The following RNF212B variants were observed in gnomAD, a reference collection of about 807,000 sequenced individuals.
RNF212B encodes the protein ring finger protein 212B.
Under a neutral mutation model 55.5 loss-of-function variants are expected in RNF212B, and 52 were observed. That is an observed-to-expected ratio of 0.94 (90% confidence interval 0.75 to 1.18). RNF212B has a LOEUF of 1.18. RNF212B is among the 50% of genes most tolerant of loss of function. The pLI is 0.00. For missense variants in RNF212B, 289 were observed against 350.4 expected (o/e 0.82, Z 1.40); for synonymous variants, 99 against 121.4 (o/e 0.82, Z 1.21).
At chr14:23,267,891 GT>G (rs1211458077) in intron 11 of RNF212B, among the ~76,000 whole-genome samples, 5 of 152,076 alleles carry the variant, frequency 3.3e-5, no homozygotes, top group Non-Finnish European at 5.9e-5. Context: ...AGTTGGACTT[GT>G]TTTTTCTTTC....
rs1030993499 is a variant in RNF212B, at chr14:23,210,820, G to A, written c.-2+17419G>A. ...AGAAATGTAGGATGATAACATTAGG[G>A]AAAACTGAAACTGGGTGAAGGATAT... On this transcript the variant is annotated intron_variant, in intron 2 of 15. Transcript: ENST00000399910. Among the ~76,000 whole-genome samples the A allele has an allele frequency of 2.8e-4, 40 of 142,742 alleles. 1 individual carries two copies. Among genetic ancestry groups the A allele is most frequent in the African/African-American group, 9.1e-4 (35 of 38,408 alleles). The allele number at this position is 142,742 out of a possible 152,430, so 93.6% of individuals were successfully genotyped here. A position where few individuals can be genotyped will look rare whatever the true frequency, so the allele number is the denominator to read the frequency against.
intron 1 of RNF212B, among the ~76,000 whole-genome samples, chr14:23,191,190 C>T (rs1244142424): frequency 6.6e-6 from 1 of 152,188 alleles, no homozygotes; most frequent in East Asian, 1.9e-4. Flanking sequence ...TCCATCCCTA[C>T]TAAAAATACA....
At chr14:23,237,792 C>T (rs1211547408), upstream of RNF212B, among the ~76,000 whole-genome samples, 10 of 152,218 alleles carry the variant, frequency 6.6e-5, no homozygotes, top group Non-Finnish European at 1.3e-4. Flanking sequence ...CACCCCTCTC[C>T]CGCCACCGCG....
In RNF212B at chr14:23,255,786, T is replaced by G. The variant is rs183695112; in HGVS notation, c.229-2763T>G. On this transcript the variant is annotated intron_variant, in intron 4 of 14. Transcript: ENST00000430154. ...AAAACGAAAGAGACCAACCTCTTCA[T>G]GAGGCTGAGGGATTTGAAAGATTGC... Among the ~76,000 whole-genome samples the G allele has an allele frequency of 2.6e-5, 4 of 152,330 alleles. No homozygotes were observed. The East Asian group carries it at 7.7e-4, about 29-fold the overall frequency.
At chr14:23,233,413 A>T, upstream of RNF212B, among the ~76,000 whole-genome samples, 1 of 151,444 alleles carries the variant, frequency 6.6e-6, no homozygotes, top group Middle Eastern at 3.4e-3. Context: ...TTAAAAAAAA[A>T]AAAAAGAATA....
rs1885553577 is a variant in RNF212B at position 23,264,751 on chromosome 14, T to C, written c.634+80T>C. 3.8e-6 allele frequency: 3 copies of C among 795,420 alleles called. No homozygotes were observed. The Admixed American group carries it at 1.3e-4, about 34-fold the overall frequency. The allele number at this position is 795,420 out of a possible 1,614,324, so 49.3% of individuals were successfully genotyped here. A position where few individuals can be genotyped will look rare whatever the true frequency, so the allele number is the denominator to read the frequency against. ...CGGATTTCTGGTTTTCTATGCATAA[T>C]ATAATGCCATTTCACTTGTTTTTTT... On this transcript the variant is annotated intron_variant, in intron 11 of 14. Coordinates refer to ENST00000430154, the MANE Select transcript of RNF212B (RefSeq NM_001282322.3).
chr14:23,241,910 A>G (rs12880128), intron 2 of RNF212B, among the ~76,000 whole-genome samples: 63,071 of 149,572 alleles, frequency 0.42, 13,425 homozygotes, highest in Non-Finnish European at 0.45. Flanking sequence ...GTGAAACCCC[A>G]TCTCTACTAA....
chr14:23,244,524 C>T (rs987673594), intron 4 of RNF212B, 128 bp downstream of exon 4: 25 of 568,004 alleles, frequency 4.4e-5, no homozygotes, highest in South Asian at 4.4e-4. Flanking sequence ...GCTTTCTTTG[C>T]TTTCTTCCTT....
At chr14:23,232,597 G>A (rs1882755408) in intron 2 of RNF212B, among the ~76,000 whole-genome samples, 1 of 151,424 alleles carries the variant, frequency 6.6e-6, no homozygotes, top group African/African-American at 2.4e-5. Context: ...GAGGGAGTTG[G>A]GGGGTCAGCC....
chr14:23,262,988 C>T lies in RNF212B; in HGVS notation c.524+18C>T, dbSNP rs1304010559. 5 of 1,548,252 alleles carry T rather than the reference C, an allele frequency of 3.2e-6. No individual in the cohort carries two copies. Among genetic ancestry groups the T allele is most frequent in the Non-Finnish European group, 4.4e-6 (5 of 1,145,040 alleles). ...GTGGTCAGGTAAACCTACACAGCAA[C>T]ATTAAAACTGTTGGCAAAAGTTGGA... On this transcript the variant is annotated intron_variant, in intron 9 of 14. Coordinates refer to ENST00000430154, the MANE Select transcript of RNF212B (RefSeq NM_001282322.3).
Position 23,229,261 on chromosome 14 carries a change from T to TATATAC in RNF212B, c.-1-11083_-1-11082insTATACA, listed in dbSNP as rs558232357. 8.3e-3 allele frequency among the ~76,000 whole-genome samples: 1,057 copies of TATATAC among 126,986 alleles called. 21 individuals carry two copies. Among genetic ancestry groups the TATATAC allele is most frequent in the South Asian group, 0.011 (44 of 4,002 alleles). 83.3% of individuals were successfully genotyped at this position (126,986 alleles called of 152,430 possible). ...ATATATATATATATATATATATATA[T>TATATAC]ACCACATTGTTTATCCATTCATCTA... On this transcript the variant is annotated intron_variant, in intron 2 of 15. Transcript: ENST00000399910.
intron 11 of RNF212B, 114 bp downstream of exon 11, chr14:23,264,785 A>G (rs1011122631): frequency 7.7e-6 from 4 of 519,750 alleles, no homozygotes; most frequent in Non-Finnish European, 1.2e-5. Context: ...TTTTCCTGAC[A>G]GTGATTCCAT....
At chr14:23,215,226 C>G (rs1224815877) in intron 2 of RNF212B, among the ~76,000 whole-genome samples, 1 of 152,018 alleles carries the variant, frequency 6.6e-6, no homozygotes, top group Admixed American at 6.6e-5. Flanking sequence ...GTGTGCCTTG[C>G]TTCTCCTTCA....
intron 7 of RNF212B, among the ~76,000 whole-genome samples, chr14:23,261,109 A>T (rs1272077671): frequency 1.3e-5 from 2 of 152,164 alleles, no homozygotes; most frequent in East Asian, 3.9e-4. Flanking sequence ...CAGACCTCAC[A>T]TTCTGTATTT....
intron 4 of RNF212B, 69 bp downstream of exon 4, chr14:23,244,465 C>A: frequency 1.2e-6 from 1 of 816,452 alleles, no homozygotes; most frequent in South Asian, 1.7e-5. Context: ...ATTCCTTTAT[C>A]AAAGGTTTTC....
intron 2 of RNF212B, among the ~76,000 whole-genome samples, chr14:23,201,043 AAAAG>A (rs1443627605): frequency 6.6e-6 from 1 of 152,240 alleles, no homozygotes; most frequent in African/African-American, 2.4e-5. Context: ...AGCTCAAAAG[AAAAG>A]TTTTAAGACT....
chr14:23,256,032 GCTTAGGCCT>G (rs1281796074), intron 4 of RNF212B, among the ~76,000 whole-genome samples: 5 of 152,142 alleles, frequency 3.3e-5, no homozygotes, highest in Non-Finnish European at 7.4e-5. Context: ...AAGTAGGTTT[GCTTAGGCCT>G]GGCAAAAGAC....
chr14:23,219,646 A>G (rs965551061), intron 2 of RNF212B, among the ~76,000 whole-genome samples: 1 of 151,776 alleles, frequency 6.6e-6, no homozygotes, highest in Admixed American at 6.6e-5. Context: ...TAATTTTTGT[A>G]TTTTTAGTAG....
upstream of RNF212B, among the ~76,000 whole-genome samples, chr14:23,234,275 T>C (rs1209570842): frequency 3.3e-5 from 5 of 152,152 alleles, no homozygotes; most frequent in Non-Finnish European, 7.4e-5. Context: ...TTTTGTAATT[T>C]GTCACTTTGT....
Sources: allele counts gnomAD v4.1 joint callset (sites outside exome capture counted in the v4.1 genomes callset), GRCh38; gene constraint gnomAD v4.1.1; transcripts MANE v1.5; gene names NCBI Gene and HGNC (gene_info 2026-07-23, HGNC 2026-07-21).